SPOPL: variants seen among roughly 807,000 people sequenced by gnomAD.
SPOPL encodes the protein speckle type BTB/POZ protein like.
Under a neutral mutation model 53.8 loss-of-function variants are expected in SPOPL, and 23 were observed. That is an observed-to-expected ratio of 0.43 (90% CI 0.31 to 0.61). The LOEUF (loss-of-function observed/expected upper bound fraction) is 0.61, where lower values mean the gene tolerates loss of function less well. Ranked by LOEUF, SPOPL falls within the 20% of genes least tolerant of loss-of-function variation. The pLI is 0.12. For missense variants in SPOPL, 442 were observed against 466.9 expected (o/e 0.95, Z 0.49); for synonymous variants, 164 against 149.7 (o/e 1.10, Z -0.70).
At chr2:138,542,564 C>CT (rs1353464225) in intron 1 of SPOPL, among the ~76,000 whole-genome samples, 2 of 151,990 alleles carry the variant, frequency 1.3e-5, no homozygotes, top group East Asian at 1.9e-4. Context: ...CAATCCCTGC[C>CT]TTTTTTTGTT....
intron 8 of SPOPL, among the ~76,000 whole-genome samples, chr2:138,561,503 A>G (rs1194161805): frequency 6.6e-6 from 1 of 152,154 alleles, no homozygotes; most frequent in African/African-American, 2.4e-5. Flanking sequence ...GCATGTATGT[A>G]TGTATATATG....
At chr2:138,557,621 T>TAATG (rs992524267) in intron 5 of SPOPL, among the ~76,000 whole-genome samples, 4 of 152,214 alleles carry the variant, frequency 2.6e-5, no homozygotes, top group Non-Finnish European at 5.9e-5. Context: ...AATAAAAGCC[T>TAATG]AATGAAATAT....
At chr2:138,534,045 T>G (rs1391180122) in intron 1 of SPOPL, among the ~76,000 whole-genome samples, 1 of 152,162 alleles carries the variant, frequency 6.6e-6, no homozygotes, top group Non-Finnish European at 1.5e-5. Context: ...ATATATTTTA[T>G]TGGTCTAGAA....
intron 1 of SPOPL, among the ~76,000 whole-genome samples, chr2:138,507,826 G>T (rs1684247596): frequency 6.6e-6 from 1 of 151,980 alleles, no homozygotes; most frequent in African/African-American, 2.4e-5. Context: ...CTTTGTTTTA[G>T]TATTTATTGC....
intron 1 of SPOPL, among the ~76,000 whole-genome samples, chr2:138,511,257 T>C (rs1391001695): frequency 6.6e-6 from 1 of 152,168 alleles, no homozygotes; most frequent in Non-Finnish European, 1.5e-5. Flanking sequence ...TTTACTGTTG[T>C]CTCTCTGCCT....
intron 3 of SPOPL, 81 bp from the exon 4 acceptor site, chr2:138,550,822 T>G: frequency 6.8e-7 from 1 of 1,461,266 alleles, no homozygotes; most frequent in Non-Finnish European, 9.1e-7. Context: ...GTTCTCTCTC[T>G]CTCTTTCTCT....
At chr2:138,517,155 C>T (rs1014877195) in intron 1 of SPOPL, among the ~76,000 whole-genome samples, 3 of 152,096 alleles carry the variant, frequency 2.0e-5, no homozygotes, top group Admixed American at 6.5e-5. Flanking sequence ...AGGCATAATA[C>T]GGGAAATAAA....
chr2:138,504,453 T>C (rs1332300705), intron 1 of SPOPL, among the ~76,000 whole-genome samples: 1 of 152,208 alleles, frequency 6.6e-6, no homozygotes, highest in Non-Finnish European at 1.5e-5. Context: ...ATAACTCCCC[T>C]AGAATCAGAC....
intron 1 of SPOPL, among the ~76,000 whole-genome samples, chr2:138,516,997 C>CA (rs1447607962): frequency 1.3e-5 from 2 of 152,256 alleles, no homozygotes; most frequent in East Asian, 3.9e-4. Context: ...GAAGTTGTGC[C>CA]AGTGTCCTGG....
At chr2:138,519,949 C>A (rs1684521278) in intron 1 of SPOPL, among the ~76,000 whole-genome samples, 1 of 151,536 alleles carries the variant, frequency 6.6e-6, no homozygotes, top group South Asian at 2.1e-4. Flanking sequence ...TAATTTTTAC[C>A]CAGGAAAATG....
intron 5 of SPOPL, 61 bp downstream of exon 5, chr2:138,552,742 A>C: frequency 6.5e-7 from 1 of 1,528,592 alleles, no homozygotes; most frequent in East Asian, 2.3e-5. Flanking sequence ...CAAAAGTATA[A>C]ACTGGATTAA....
At chr2:138,540,501 T>G (rs545711983) in intron 1 of SPOPL, among the ~76,000 whole-genome samples, 13 of 152,338 alleles carry the variant, frequency 8.5e-5, no homozygotes, top group Non-Finnish European at 1.3e-4. Context: ...TTATTCTCTT[T>G]GAAGCAATTA....
chr2:138,517,012 C>G (rs1286834666), intron 1 of SPOPL, among the ~76,000 whole-genome samples: 1 of 152,132 alleles, frequency 6.6e-6, no homozygotes, highest in Non-Finnish European at 1.5e-5. Flanking sequence ...TCCTGGAATT[C>G]TAGAACAAAG....
intron 1 of SPOPL, among the ~76,000 whole-genome samples, chr2:138,512,897 A>G (rs1486952666): frequency 3.3e-5 from 5 of 152,226 alleles, no homozygotes; most frequent in African/African-American, 1.2e-4. Flanking sequence ...CTAGTCATTG[A>G]GTACTTAGGC....
At chr2:138,517,240 A>G (rs1684458120) in intron 1 of SPOPL, among the ~76,000 whole-genome samples, 1 of 152,120 alleles carries the variant, frequency 6.6e-6, no homozygotes, top group African/African-American at 2.4e-5. Context: ...GATGTTAGAG[A>G]GAATATTCTT....
intron 8 of SPOPL, 46 bp downstream of exon 8, chr2:138,560,973 A>T: frequency 1.3e-6 from 2 of 1,575,438 alleles, no homozygotes; most frequent in Non-Finnish European, 1.7e-6. Flanking sequence ...CTCAAGCTTG[A>T]TTTATATAGA....
intron 1 of SPOPL, among the ~76,000 whole-genome samples, chr2:138,506,215 T>C (rs1310026481): frequency 1.3e-5 from 2 of 152,234 alleles, no homozygotes; most frequent in African/African-American, 4.8e-5. Context: ...TTCTCAAACT[T>C]GTCTGTGTTG....
intron 1 of SPOPL, among the ~76,000 whole-genome samples, chr2:138,538,936 C>G (rs949348397): frequency 6.6e-6 from 1 of 152,078 alleles, no homozygotes; most frequent in Non-Finnish European, 1.5e-5. Context: ...GTGTGATGTT[C>G]CCCTTCCTGT....
intron 1 of SPOPL, among the ~76,000 whole-genome samples, chr2:138,513,657 T>C (rs1684376536): frequency 6.6e-6 from 1 of 151,848 alleles, no homozygotes; most frequent in Admixed American, 6.6e-5. Flanking sequence ...GGAAGATCAC[T>C]TGAGCTCAGG....
Sources: allele counts gnomAD v4.1 joint callset (sites outside exome capture counted in the v4.1 genomes callset), GRCh38; gene constraint gnomAD v4.1.1; transcripts MANE v1.5; gene names NCBI Gene and HGNC (gene_info 2026-07-23, HGNC 2026-07-21).